The following EFCC1 variants were observed in gnomAD, a reference collection of about 807,000 sequenced individuals.
EFCC1 encodes the protein EF-hand and coiled-coil domain containing 1, also known as EF-hand and coiled-coil domain-containing protein 1.
EFCC1 carries 50 observed loss-of-function variants against 52.1 expected under a neutral mutation model. The observed-to-expected ratio is 0.96, with a 90% CI of 0.76 to 1.21. The LOEUF (loss-of-function observed/expected upper bound fraction) is 1.21, where lower values mean the gene tolerates loss of function less well. Ranked by LOEUF, EFCC1 falls within the 50% of genes most tolerant of loss-of-function variation. The pLI, the probability that EFCC1 is intolerant of heterozygous loss-of-function variation, is 0.00. For missense variants in EFCC1, 837 were observed against 867.3 expected, an observed-to-expected ratio of 0.97 and a Z score of 0.44; for synonymous variants, 399 against 396.5, an observed-to-expected ratio of 1.01 and a Z score of -0.08.
At chr3:129,025,682 A>C (rs1946074140) in intron 2 of EFCC1, among the ~76,000 whole-genome samples, 1 of 152,192 alleles carries the variant, frequency 6.6e-6, no homozygotes, top group African/African-American at 2.4e-5. Context: ...TCTGCTGAAT[A>C]ATCCAGCAGA....
intron 2 of EFCC1, among the ~76,000 whole-genome samples, chr3:129,025,111 C>T (rs900983399): frequency 3.9e-5 from 6 of 152,152 alleles, no homozygotes; most frequent in East Asian, 1.9e-4. Flanking sequence ...TAAGTTCGGG[C>T]GCTTGTCAGG....
At chr3:129,011,539 A>G (rs1395834316) in intron 2 of EFCC1, among the ~76,000 whole-genome samples, 1 of 150,696 alleles carries the variant, frequency 6.6e-6, no homozygotes, top group African/African-American at 2.5e-5. Flanking sequence ...TGACAGAGCA[A>G]GACTCCGTCT....
intron 2 of EFCC1, among the ~76,000 whole-genome samples, chr3:129,013,464 T>TTCTTTCTATCCTTTATCTTG: frequency 6.6e-6 from 1 of 152,304 alleles, no homozygotes; most frequent in Admixed American, 6.5e-5. Context: ...TGGAATCTCT[T>TTCTTTCTATCCTTTATCTTG]TCTTTCTATC....
chr3:129,038,366 C>T (rs1464278410), intron 6 of EFCC1, among the ~76,000 whole-genome samples: 1 of 152,222 alleles, frequency 6.6e-6, no homozygotes, highest in Non-Finnish European at 1.5e-5. Flanking sequence ...CAGTGGTTCC[C>T]AGCAGAGGCC....
intron 3 of EFCC1, among the ~76,000 whole-genome samples, chr3:129,031,790 G>C (rs1946277711): frequency 6.6e-6 from 1 of 152,126 alleles, no homozygotes; most frequent in African/African-American, 2.4e-5. Flanking sequence ...CTCCAGGCCT[G>C]GTCCTCTCAA....
In EFCC1 at chr3:129,003,797, G is replaced by A; in HGVS notation, c.700G>A (p.Gly234Arg). 6.9e-7 allele frequency: 1 copy of A among 1,454,864 alleles called. No homozygotes were observed. Among genetic ancestry groups the A allele is most frequent in the Non-Finnish European group, 9.0e-7 (1 of 1,108,840 alleles). 90.1% of individuals were successfully genotyped at this position (1,454,864 alleles called of 1,614,324 possible). A position where few individuals can be genotyped will look rare whatever the true frequency, so the allele number is the denominator to read the frequency against. ...SDARCLALQV[G>R]LWKSQASTHE... ...CCCTGCTGCCCTGTCCCCGCAGGTC[G>A]GACTCTGGAAGAGCCAGGCGAGCAC... The change falls in exon 2 of 8, where the codon GGA (glycine) becomes AGA (arginine). Residue 234 changes from glycine to arginine, a missense_variant. Transcript: ENST00000683648.
At position 129,004,086 on chromosome 3, in the gene EFCC1, G is replaced by C; in HGVS notation, c.980+9G>C. 6.7e-7 allele frequency: 1 copy of C among 1,487,108 alleles called. No homozygotes were observed. Among genetic ancestry groups the C allele is most frequent in the East Asian group, 2.8e-5 (1 of 36,062 alleles). 92.1% of individuals were successfully genotyped at this position (1,487,108 alleles called of 1,614,324 possible). On this transcript the variant is annotated intron_variant, in intron 2 of 7. Transcript: ENST00000683648. The stretch of plus-strand genomic sequence containing the variant: ...GAGCTGCAACGCTACAGGTGAGCGG[G>C]GGCGCGTGCCCTGGGCCCAAGTTCC...
At chr3:129,028,979 C>A (rs989709199) in intron 2 of EFCC1, among the ~76,000 whole-genome samples, 4 of 152,104 alleles carry the variant, frequency 2.6e-5, no homozygotes, top group African/African-American at 7.3e-5. Flanking sequence ...TGCAGCAGAG[C>A]ACTCTCCTGA....
chr3:129,023,762 G>C (rs1945973071), intron 2 of EFCC1, among the ~76,000 whole-genome samples: 1 of 152,234 alleles, frequency 6.6e-6, no homozygotes, highest in Admixed American at 6.5e-5. Context: ...GACCAAAAAT[G>C]TCTGCAGCTT....
intron 2 of EFCC1, among the ~76,000 whole-genome samples, chr3:129,011,459 G>A (rs1041454670): frequency 6.6e-6 from 1 of 151,866 alleles, no homozygotes; most frequent in Non-Finnish European, 1.5e-5. Context: ...GCTGAGGCAG[G>A]AGAATTGCTT....
In EFCC1 at chr3:129,010,494, G is replaced by A. The variant is rs1032386267; in HGVS notation, c.980+6417G>A. Among the ~76,000 whole-genome samples the A allele has an allele frequency of 6.6e-6, 1 of 151,838 alleles. No individual in the cohort carries two copies. The highest frequency in any genetic ancestry group is 1.5e-5 in the Non-Finnish European group (1 of 67,942). The stretch of plus-strand genomic sequence containing the variant: ...TTTGTTGTTGGGGGAGGGTGAAAAG[G>A]CTGGGATGGAGGAAAGGGGGTGGGA... On this transcript the variant is annotated intron_variant, in intron 2 of 7. Transcript: ENST00000683648. This position sits in a 1 kb window ranked among gnomAD's most constrained non-coding sequence, Gnocchi z 4.3.
At chr3:129,027,770 A>C (rs1328116279) in intron 2 of EFCC1, among the ~76,000 whole-genome samples, 1 of 152,118 alleles carries the variant, frequency 6.6e-6, no homozygotes, top group Non-Finnish European at 1.5e-5. Context: ...AGCCTGGGCA[A>C]CATGGAAACC....
chr3:129,037,562 C>T (rs1038841097), intron 6 of EFCC1, among the ~76,000 whole-genome samples: 17 of 152,232 alleles, frequency 1.1e-4, no homozygotes, highest in African/African-American at 3.9e-4. Context: ...CAAAATACAC[C>T]ACATTGCAGA....
intron 7 of EFCC1, among the ~76,000 whole-genome samples, chr3:129,039,495 A>G (rs929382962): frequency 4.6e-5 from 7 of 152,224 alleles, no homozygotes. Flanking sequence ...TGCCCTGAGC[A>G]GTCCCTGCCC....
At chr3:129,018,035 C>T (rs1313692529) in intron 2 of EFCC1, among the ~76,000 whole-genome samples, 1 of 152,200 alleles carries the variant, frequency 6.6e-6, no homozygotes, top group African/African-American at 2.4e-5. Flanking sequence ...ATATAGTATG[C>T]AGTCCTGGCC....
At chr3:129,024,659 G>A (rs558422843) in intron 2 of EFCC1, among the ~76,000 whole-genome samples, 32 of 152,316 alleles carry the variant, frequency 2.1e-4, no homozygotes, top group African/African-American at 7.2e-4. Context: ...GAAGAAGGTA[G>A]AAGAACAAAA....
At chr3:129,016,977 T>C (rs1050058528) in intron 2 of EFCC1, among the ~76,000 whole-genome samples, 1 of 152,118 alleles carries the variant, frequency 6.6e-6, no homozygotes, top group Admixed American at 6.5e-5. Flanking sequence ...TCCTTGGCAG[T>C]TCAGTAAAGT....
At chr3:129,032,220 C>G (rs1946286431) in intron 3 of EFCC1, among the ~76,000 whole-genome samples, 1 of 152,188 alleles carries the variant, frequency 6.6e-6, no homozygotes, top group Non-Finnish European at 1.5e-5. Context: ...ATCCTGGTGC[C>G]TGTACCGTGA....
At chr3:129,025,456 T>C (rs1011984547) in intron 2 of EFCC1, among the ~76,000 whole-genome samples, 1 of 152,212 alleles carries the variant, frequency 6.6e-6, no homozygotes, top group Admixed American at 6.5e-5. Flanking sequence ...GAACTGGCCA[T>C]TGGGCTTGGC....
Sources: gnomAD v4.1 joint callset for allele counts (sites outside exome capture counted in the v4.1 genomes callset) on GRCh38, gnomAD v4.1.1 for gene constraint, Gnocchi (gnomAD v3.1) non-coding constraint, MANE v1.5 for transcripts, NCBI Gene and HGNC (gene_info 2026-07-23, HGNC 2026-07-21) for gene names.